QTMAN: variants seen among roughly 807,000 people sequenced by gnomAD.
QTMAN encodes tRNA-queuosine alpha-mannosyltransferase.
chr2:144,295,788 T>A, the QTMAN span, among the ~76,000 whole-genome samples: 1 of 151,834 alleles, frequency 6.6e-6, no homozygotes, highest in East Asian at 1.9e-4. Flanking sequence ...AATTTTTAAA[T>A]TTTTTTGTAG....
chr2:144,150,116 T>TGA, the QTMAN span, among the ~76,000 whole-genome samples: 3 of 152,076 alleles, frequency 2.0e-5, no homozygotes, highest in African/African-American at 7.2e-5. Flanking sequence ...TATGACATAA[T>TGA]GAGATAGTGT....
chr2:143,947,987 G>A, the QTMAN span, among the ~76,000 whole-genome samples: 1 of 152,074 alleles, frequency 6.6e-6, no homozygotes, highest in Non-Finnish European at 1.5e-5. Flanking sequence ...TTGTGCTGGT[G>A]CAGTTGAGAG....
At chr2:144,277,889 A>G in the QTMAN span, among the ~76,000 whole-genome samples, 1 of 152,194 alleles carries the variant, frequency 6.6e-6, no homozygotes, top group East Asian at 1.9e-4. Flanking sequence ...CAAAATGGCT[A>G]GAAAGCTAAA....
At chr2:144,036,229 A>G in the QTMAN span, among the ~76,000 whole-genome samples, 1 of 152,214 alleles carries the variant, frequency 6.6e-6, no homozygotes, top group African/African-American at 2.4e-5. Context: ...CCATTATTTA[A>G]GCTTGCCTCT....
At chr2:144,050,545 A>G in the QTMAN span, among the ~76,000 whole-genome samples, 2 of 152,152 alleles carry the variant, frequency 1.3e-5, no homozygotes, top group African/African-American at 4.8e-5. Context: ...AGCAATAATG[A>G]TAACAGTAAT....
chr2:144,288,466 T>C, the QTMAN span, among the ~76,000 whole-genome samples: 83 of 152,196 alleles, frequency 5.5e-4, 2 homozygotes, highest in Non-Finnish European at 2.2e-4. Flanking sequence ...TTTTCAGAGC[T>C]CATTTGAATT....
chr2:144,082,870 A>T, the QTMAN span, among the ~76,000 whole-genome samples: 1 of 152,024 alleles, frequency 6.6e-6, no homozygotes, highest in African/African-American at 2.4e-5. Flanking sequence ...TTATCATCTA[A>T]AAGGAATTAA....
chr2:144,286,086 C>T, the QTMAN span, among the ~76,000 whole-genome samples: 15,608 of 152,258 alleles, frequency 0.1, 1,036 homozygotes, highest in Non-Finnish European at 0.15. Context: ...ACAGCCAACA[C>T]ACTAAGAAGA....
chr2:144,249,581 C>T, the QTMAN span, among the ~76,000 whole-genome samples: 3 of 152,144 alleles, frequency 2.0e-5, no homozygotes, highest in Non-Finnish European at 1.5e-5. Flanking sequence ...GAATTAAAGT[C>T]TATGAATACA....
chr2:144,289,974 CTG>C, the QTMAN span, among the ~76,000 whole-genome samples: 2 of 152,226 alleles, frequency 1.3e-5, no homozygotes, highest in Non-Finnish European at 2.9e-5. Context: ...TGTAAACAGA[CTG>C]TAACCTACTC....
chr2:144,323,251 G>A, the QTMAN span, among the ~76,000 whole-genome samples: 1 of 152,144 alleles, frequency 6.6e-6, no homozygotes. Context: ...ATGTACTCTG[G>A]ATATGCAGCA....
chr2:144,074,703 G>A, the QTMAN span, among the ~76,000 whole-genome samples: 1,440 of 152,218 alleles, frequency 9.5e-3, 5 homozygotes, highest in Non-Finnish European at 0.015. Flanking sequence ...TTGACCACAC[G>A]CAGACAGTTA....
chr2:143,948,663 T>G, the QTMAN span, among the ~76,000 whole-genome samples: 1 of 152,120 alleles, frequency 6.6e-6, no homozygotes, highest in Non-Finnish European at 1.5e-5. Context: ...AAGCATGAAA[T>G]ACTAATCTCA....
chr2:144,143,129 G>T, the QTMAN span, among the ~76,000 whole-genome samples: 1 of 151,940 alleles, frequency 6.6e-6, no homozygotes, highest in Non-Finnish European at 1.5e-5. Flanking sequence ...ATATGTTGAA[G>T]GTAGGTTAGG....
the QTMAN span, among the ~76,000 whole-genome samples, chr2:144,136,395 A>AAAAGGAAAGGAAAGGAAAGGAAAGG: frequency 0.021 from 2,007 of 97,400 alleles, 87 homozygotes; most frequent in African/African-American, 0.034. Context: ...AAGGAAAAGG[A>AAAAGGAAAGGAAAGGAAAGGAAAGG]AAAGGAAAGG....
At chr2:143,983,155 A>G in the QTMAN span, among the ~76,000 whole-genome samples, 9 of 152,168 alleles carry the variant, frequency 5.9e-5, no homozygotes, top group Non-Finnish European at 1.0e-4. Context: ...TTGAGGGCAA[A>G]CTACCAAATC....
At chr2:144,104,749 G>A in the QTMAN span, among the ~76,000 whole-genome samples, 2 of 152,352 alleles carry the variant, frequency 1.3e-5, no homozygotes, top group South Asian at 4.1e-4. Flanking sequence ...TAACAGCTTT[G>A]AAGAGAGTAG....
chr2:144,000,380 A>C, the QTMAN span, among the ~76,000 whole-genome samples: 2 of 151,900 alleles, frequency 1.3e-5, no homozygotes, highest in East Asian at 3.9e-4. Flanking sequence ...AACCAACCAA[A>C]CAAACTAACC....
At chr2:144,070,773 T>C in the QTMAN span, among the ~76,000 whole-genome samples, 1 of 152,146 alleles carries the variant, frequency 6.6e-6, no homozygotes, top group African/African-American at 2.4e-5. Flanking sequence ...ACGTTTCCAG[T>C]ATTATGTAAT....
Sources: allele counts gnomAD v4.1 joint callset (sites outside exome capture counted in the v4.1 genomes callset), GRCh38; gene constraint gnomAD v4.1.1; transcripts MANE v1.5; gene names NCBI Gene and HGNC (gene_info 2026-07-23, HGNC 2026-07-21).